Variants in C8B observed in about 807,000 individuals in gnomAD.
C8B encodes the protein complement component C8 beta chain.
In C8B, 67 loss-of-function variants were observed where a neutral mutation model predicts 64.6. The observed-to-expected ratio is 1.04, with a 90% CI of 0.85 to 1.27. The LOEUF (loss-of-function observed/expected upper bound fraction) is 1.27, where lower values mean the gene tolerates loss of function less well. Ranked by LOEUF, C8B falls within the 50% of genes most tolerant of loss-of-function variation. The pLI is 0.00. For missense variants in C8B, 790 were observed against 725.2 expected (o/e 1.09, Z -1.03); for synonymous variants, 284 against 257.7 (o/e 1.10, Z -0.98).
chr1:56,934,903 A>G (rs1644754580), intron 9 of C8B, among the ~76,000 whole-genome samples: 1 of 152,206 alleles, frequency 6.6e-6, no homozygotes, highest in African/African-American at 2.4e-5. Context: ...CATTAACCAA[A>G]AAGGCATTTT....
chr1:56,932,894 C>T (rs1431181561), intron 10 of C8B, among the ~76,000 whole-genome samples: 2 of 152,118 alleles, frequency 1.3e-5, no homozygotes, highest in Admixed American at 1.3e-4. Context: ...ACAACAGGAG[C>T]ATAAGATCCC....
rs1645154455 is a variant in C8B at position 56,960,009 on chromosome 1, T to C, written c.249+11A>G. Reference sequence around the variant, plus strand: ...TGGAAGCTTAGAGCTGTCCCAGGCCTGGTTGCTTACCCTTTTCTTCTGACA... The same window carrying C: ...TGGAAGCTTAGAGCTGTCCCAGGCCCGGTTGCTTACCCTTTTCTTCTGACA... On this transcript the variant is annotated intron_variant, in intron 2 of 11. Transcript: ENST00000371237. 2 of 1,614,150 alleles carry C rather than the reference T, an allele frequency of 1.2e-6. No homozygotes were observed. The highest frequency in any genetic ancestry group is 4.5e-5 in the East Asian group (2 of 44,880).
At chr1:56,930,604 G>A (rs1405557094) in intron 11 of C8B, among the ~76,000 whole-genome samples, 1 of 152,112 alleles carries the variant, frequency 6.6e-6, no homozygotes, top group African/African-American at 2.4e-5. Flanking sequence ...CAGGAGTTAC[G>A]ATCAAAGGCT....
chr1:56,937,684 G>GT (rs1160524792), intron 9 of C8B, among the ~76,000 whole-genome samples: 1 of 152,020 alleles, frequency 6.6e-6, no homozygotes, highest in Non-Finnish European at 1.5e-5. Flanking sequence ...ATTTTTTTTA[G>GT]TTTAAGTATA....
In C8B at chr1:56,957,055, G is replaced by A. The variant is rs761526316; in HGVS notation, c.250-145C>T. The A allele has an allele frequency of 2.2e-5, 18 of 836,054 alleles. 1 individual carries two copies. The highest frequency in any genetic ancestry group is 3.3e-5 in the Non-Finnish European group (17 of 507,572). 51.8% of individuals were successfully genotyped at this position (836,054 alleles called of 1,614,324 possible). On this transcript the variant is annotated intron_variant, in intron 2 of 11. Coordinates refer to ENST00000371237, the MANE Select transcript of C8B (RefSeq NM_000066.4). Reference sequence around the variant, plus strand: ...CTGATCATCATTCCCCCAGCCCCTTGTGCTCCCCCCATTATATATACTTAA... The same window carrying A: ...CTGATCATCATTCCCCCAGCCCCTTATGCTCCCCCCATTATATATACTTAA...
chr1:56,943,582 G>T, intron 8 of C8B, 114 bp downstream of exon 8: 1 of 1,189,752 alleles, frequency 8.4e-7, no homozygotes, highest in Non-Finnish European at 1.3e-6. Context: ...GACATAGTTG[G>T]CCTAGAAGTT....
At chr1:56,959,438 A>C in intron 2 of C8B, 1 of 791,146 alleles carries the variant, frequency 1.3e-6, no homozygotes, top group Non-Finnish European at 2.1e-6. Flanking sequence ...GAGGAGTCAA[A>C]AAGCTTTCTC....
intron 8 of C8B, among the ~76,000 whole-genome samples, chr1:56,942,952 C>G (rs1024655692): frequency 1.3e-5 from 2 of 151,292 alleles, no homozygotes; most frequent in African/African-American, 4.8e-5. Flanking sequence ...AATAATTAGC[C>G]GAGCATGGTG....
Position 56,963,449 on chromosome 1 carries a change from A to G in C8B, c.92+2408T>C, listed in dbSNP as rs143511484. Among the ~76,000 whole-genome samples the G allele has an allele frequency of 9.9e-5, 15 of 152,070 alleles. No homozygotes were observed. The East Asian group carries it at 2.7e-3, about 27-fold the overall frequency. On this transcript the variant is annotated intron_variant, in intron 1 of 11. Coordinates refer to ENST00000371237, the MANE Select transcript of C8B (RefSeq NM_000066.4). Reference sequence around the variant, plus strand: ...GCAGCTTCTAGGTGGCAGGTTTTCAATTTCTCTTCTCTCTGTCGTTTGCTG... The same window carrying G: ...GCAGCTTCTAGGTGGCAGGTTTTCAGTTTCTCTTCTCTCTGTCGTTTGCTG...
chr1:56,939,129 G>A (rs1452738694), intron 9 of C8B, among the ~76,000 whole-genome samples: 3 of 152,292 alleles, frequency 2.0e-5, no homozygotes, highest in Non-Finnish European at 1.5e-5. Context: ...AATTCATTTG[G>A]TTCTCAGTTT....
intron 5 of C8B, among the ~76,000 whole-genome samples, chr1:56,951,725 C>G (rs1423925688): frequency 6.6e-6 from 1 of 152,162 alleles, no homozygotes; most frequent in Non-Finnish European, 1.5e-5. Context: ...AAAACAGAGG[C>G]TCATAGCCTT....
At chr1:56,932,893 G>A (rs1043280663) in intron 10 of C8B, among the ~76,000 whole-genome samples, 1 of 152,086 alleles carries the variant, frequency 6.6e-6, no homozygotes, top group South Asian at 2.1e-4. Context: ...CACAACAGGA[G>A]CATAAGATCC....
intron 9 of C8B, among the ~76,000 whole-genome samples, chr1:56,934,164 C>CTTTTTTTTTTT (rs60467453): frequency 7.0e-6 from 1 of 143,418 alleles, no homozygotes; most frequent in South Asian, 2.2e-4. Flanking sequence ...GTGCAGGGTC[C>CTTTTTTTTTTT]TTTTTTTTTT....
chr1:56,930,255 G>A (rs951018374), intron 11 of C8B, among the ~76,000 whole-genome samples: 1 of 152,184 alleles, frequency 6.6e-6, no homozygotes, highest in African/African-American at 2.4e-5. Context: ...ACAGACACCA[G>A]TGCTTTCCAC....
Position 56,949,851 on chromosome 1 carries a change from A to C in C8B, c.667-99T>G, listed in dbSNP as rs1644995640. 6.0e-6 allele frequency: 5 copies of C among 827,984 alleles called. No homozygotes were observed. In the Admixed American group the frequency reaches 8.1e-5, roughly 13 times the overall value. The allele number at this position is 827,984 out of a possible 1,614,324, so 51.3% of individuals were successfully genotyped here. A position where few individuals can be genotyped will look rare whatever the true frequency, so the allele number is the denominator to read the frequency against. ...ACTCTACTCCTACCATGTGCTGGAT[A>C]CTGAACTAGATGCTCTGGATACAGA... On this transcript the variant is annotated intron_variant, in intron 5 of 11. Coordinates refer to ENST00000371237, the MANE Select transcript of C8B (RefSeq NM_000066.4).
intron 8 of C8B, 115 bp from the exon 9 acceptor site, chr1:56,941,127 T>C: frequency 8.4e-7 from 1 of 1,190,020 alleles, no homozygotes; most frequent in Non-Finnish European, 1.2e-6. Flanking sequence ...GTCTGAGAGA[T>C]GTGGGTGGAC....
Position 56,931,731 on chromosome 1 carries a change from A to G in C8B, c.1621+79T>C, listed in dbSNP as rs909340049. 7.3e-6 allele frequency: 7 copies of G among 957,172 alleles called. No homozygotes were observed. The Admixed American group carries it at 9.2e-5, about 13-fold the overall frequency. 59.3% of individuals were successfully genotyped at this position (957,172 alleles called of 1,614,324 possible). A position where few individuals can be genotyped will look rare whatever the true frequency, so the allele number is the denominator to read the frequency against. On this transcript the variant is annotated intron_variant, in intron 11 of 11. Transcript: ENST00000371237. Reference sequence around the variant, plus strand: ...CAGGTTTCCTAGTATCCAGCCCCACACTCCACACCAGCTCCTTGCTCTTCT... The same window carrying G: ...CAGGTTTCCTAGTATCCAGCCCCACGCTCCACACCAGCTCCTTGCTCTTCT...
At chr1:56,944,004 C>G (rs539973803) in intron 7 of C8B, among the ~76,000 whole-genome samples, 180 bp from the exon 8 acceptor site, 1 of 152,118 alleles carries the variant, frequency 6.6e-6, no homozygotes, top group Non-Finnish European at 1.5e-5. Flanking sequence ...GCAGAGACCT[C>G]GTAGAGCTCA....
intron 6 of C8B, among the ~76,000 whole-genome samples, chr1:56,948,002 G>C (rs1644967670): frequency 6.6e-6 from 1 of 152,120 alleles, no homozygotes; most frequent in East Asian, 1.9e-4. Flanking sequence ...CATGTTTGCT[G>C]CTCCTACTAC....
Sources: allele counts gnomAD v4.1 joint callset (sites outside exome capture counted in the v4.1 genomes callset), GRCh38; gene constraint gnomAD v4.1.1; transcripts MANE v1.5; gene names NCBI Gene and HGNC (gene_info 2026-07-23, HGNC 2026-07-21).